ACOXL: variants seen among roughly 807,000 people sequenced by gnomAD.
ACOXL encodes the protein acyl-coenzyme A oxidase-like protein.
A neutral mutation model predicts 71.9 loss-of-function variants in ACOXL; 70 were observed. The ratio of observed to expected loss-of-function variants is 0.97; its 90% CI spans 0.80 to 1.19. The LOEUF is 1.19. Ranked by LOEUF, ACOXL falls within the 50% of genes most tolerant of loss-of-function variation. The probability of loss-of-function intolerance (pLI) is 0.00; values close to 1 mark genes in which losing one functional copy is unlikely to be tolerated. For missense variants in ACOXL, 703 were observed against 736.3 expected, an observed-to-expected ratio of 0.95 and a Z score of 0.52; for synonymous variants, 253 against 281.6, an observed-to-expected ratio of 0.90 and a Z score of 1.02.
chr2:110,937,714 T>G (rs1254138522), intron 12 of ACOXL, among the ~76,000 whole-genome samples: 2 of 152,210 alleles, frequency 1.3e-5, no homozygotes, highest in African/African-American at 4.8e-5. Context: ...TCTCTTTTTT[T>G]GGGTTGTAGG....
chr2:110,786,601 C>G (rs1683990009), intron 3 of ACOXL, among the ~76,000 whole-genome samples: 1 of 152,216 alleles, frequency 6.6e-6, no homozygotes. Flanking sequence ...TCTACTTTCT[C>G]TTCAGCAAGC....
chr2:110,811,930 A>T (rs912069900), intron 9 of ACOXL, among the ~76,000 whole-genome samples: 3 of 152,164 alleles, frequency 2.0e-5, no homozygotes, highest in Non-Finnish European at 1.5e-5. Flanking sequence ...CTTGACCACC[A>T]GAGGGCAGAA....
chr2:110,831,421 G>GA (rs1689809216), intron 9 of ACOXL, among the ~76,000 whole-genome samples: 1 of 152,140 alleles, frequency 6.6e-6, no homozygotes, highest in Non-Finnish European at 1.5e-5. Flanking sequence ...TTTGCATGCT[G>GA]AAAATTATAT....
chr2:110,883,961 G>C (rs12470827), intron 10 of ACOXL, among the ~76,000 whole-genome samples: 48,983 of 152,002 alleles, frequency 0.32, 8,150 homozygotes, highest in Middle Eastern at 0.39. Flanking sequence ...TAATTCATGT[G>C]ATGGAGTACA....
At chr2:111,057,556 G>A (rs1244782917) in intron 16 of ACOXL, among the ~76,000 whole-genome samples, 3 of 152,192 alleles carry the variant, frequency 2.0e-5, no homozygotes, top group South Asian at 4.1e-4. Context: ...TCCAGGCCAG[G>A]GGCCAGGAGT....
At chr2:110,863,150 G>A (rs1449409312) in intron 10 of ACOXL, among the ~76,000 whole-genome samples, 2 of 152,120 alleles carry the variant, frequency 1.3e-5, no homozygotes, top group African/African-American at 4.8e-5. Flanking sequence ...CAACAAAGAT[G>A]TTCCTCTCCA....
At chr2:110,964,514 AG>A (rs1277544371) in intron 12 of ACOXL, among the ~76,000 whole-genome samples, 1 of 152,236 alleles carries the variant, frequency 6.6e-6, no homozygotes, top group South Asian at 2.1e-4. Context: ...ATTTGTCATT[AG>A]GCTGTTTCAT....
Position 110,987,129 on chromosome 2 carries a change from G to A in ACOXL, c.1081G>A (p.Ala361Thr), listed in dbSNP as rs771378565. ...ACAGGTTGTGGGGCGGGAACTGCTG[G>A]CCCAATACACCAAACAGTATGAAGA... ...GGMVVGRELLAQYTKQYEEKP... is the reference protein window; with the variant it reads ...GGMVVGRELLTQYTKQYEEKP... The change falls in exon 13 of 18, where the codon GCC becomes ACC. Residue 361 changes from alanine (A) to threonine (T), a missense_variant. Coordinates refer to ENST00000439055, the MANE Select transcript of ACOXL (RefSeq NM_001142807.4). 2 of 1,572,242 alleles carry A rather than the reference G, an allele frequency of 1.3e-6. No homozygotes were observed. Among genetic ancestry groups the A allele is most frequent in the South Asian group, 1.2e-5 (1 of 85,886 alleles).
intron 17 of ACOXL, among the ~76,000 whole-genome samples, chr2:111,116,520 G>T (rs1302748320): frequency 6.6e-6 from 1 of 152,144 alleles, no homozygotes. Flanking sequence ...CTGAAATGGC[G>T]TTTTGGACTG....
chr2:111,015,430 C>G (rs1389373776), intron 14 of ACOXL, among the ~76,000 whole-genome samples: 1 of 152,186 alleles, frequency 6.6e-6, no homozygotes, highest in African/African-American at 2.4e-5. Context: ...CCACGACACA[C>G]CCACTGAAAT....
intron 9 of ACOXL, among the ~76,000 whole-genome samples, chr2:110,833,961 A>G (rs1690153733): frequency 6.6e-6 from 1 of 152,208 alleles, no homozygotes; most frequent in South Asian, 2.1e-4. Context: ...AGAGGGGTCC[A>G]CAAGCTGAGA....
intron 12 of ACOXL, among the ~76,000 whole-genome samples, chr2:110,976,971 G>T (rs1175280749): frequency 6.6e-6 from 1 of 152,140 alleles, no homozygotes; most frequent in Non-Finnish European, 1.5e-5. Flanking sequence ...CTTAAAAATG[G>T]TTATTTCTGG....
intron 9 of ACOXL, among the ~76,000 whole-genome samples, chr2:110,821,899 A>G (rs980431947): frequency 6.6e-6 from 1 of 151,884 alleles, no homozygotes; most frequent in African/African-American, 2.4e-5. Context: ...AGCTCTTTCA[A>G]TTGGCTCTGT....
chr2:110,991,489 T>C (rs896753237), intron 13 of ACOXL, among the ~76,000 whole-genome samples: 8 of 152,200 alleles, frequency 5.3e-5, no homozygotes, highest in African/African-American at 1.9e-4. Flanking sequence ...TTGTGTATTT[T>C]TTAATTATTA....
intron 14 of ACOXL, among the ~76,000 whole-genome samples, chr2:110,999,255 T>C (rs557880327): frequency 5.9e-5 from 9 of 152,092 alleles, no homozygotes; most frequent in Non-Finnish European, 1.3e-4. Context: ...GTGTCCTTCT[T>C]CTTATAAGAA....
intron 1 of ACOXL, among the ~76,000 whole-genome samples, chr2:110,749,480 C>T (rs1351344649): frequency 6.6e-6 from 1 of 152,164 alleles, no homozygotes; most frequent in East Asian, 1.9e-4. Flanking sequence ...AATCTCAGCA[C>T]TTTGGGAGGC....
intron 16 of ACOXL, among the ~76,000 whole-genome samples, chr2:111,057,403 A>G (rs1392463000): frequency 1.3e-5 from 2 of 152,340 alleles, no homozygotes; most frequent in East Asian, 3.9e-4. Context: ...TTGAAATTAT[A>G]GCATTCAATA....
intron 10 of ACOXL, among the ~76,000 whole-genome samples, chr2:110,898,389 A>G (rs996743765): frequency 5.3e-5 from 8 of 152,230 alleles, no homozygotes; most frequent in African/African-American, 1.7e-4. Flanking sequence ...AAAACTATAT[A>G]TCACAGCCAA....
intron 10 of ACOXL, among the ~76,000 whole-genome samples, chr2:110,851,630 C>T (rs370731888): frequency 2.1e-3 from 314 of 152,294 alleles, no homozygotes; most frequent in Non-Finnish European, 3.7e-3. Context: ...GGTGGTGCAG[C>T]CCGAGGCACC....
Sources: allele counts gnomAD v4.1 joint callset (sites outside exome capture counted in the v4.1 genomes callset), GRCh38; gene constraint gnomAD v4.1.1; transcripts MANE v1.5; gene names NCBI Gene and HGNC (gene_info 2026-07-23, HGNC 2026-07-21).